Variants in WDR59 observed in about 807,000 individuals in gnomAD.
The protein encoded by WDR59 is GATOR2 complex protein WDR59.
In WDR59, 100 loss-of-function variants were observed where a neutral mutation model predicts 131.2. That is an observed-to-expected ratio of 0.76 (90% CI 0.65 to 0.90). WDR59 has a LOEUF of 0.90. Among genes scored for constraint, WDR59 ranks in the 40% least tolerant of loss-of-function variants. The pLI is 0.00. For synonymous variants in WDR59, 601 were observed against 466.2 expected, an observed-to-expected ratio of 1.29 and a Z score of -3.72; for missense variants, 1,203 against 1,262.2, an observed-to-expected ratio of 0.95 and a Z score of 0.71.
At chr16:74,932,387 G>A (rs182783265) in intron 8 of WDR59, among the ~76,000 whole-genome samples, 33 of 151,240 alleles carry the variant, frequency 2.2e-4, no homozygotes, top group African/African-American at 8.0e-4. Context: ...ACCATACCCA[G>A]CCAAGAGTAT....
intron 25 of WDR59, among the ~76,000 whole-genome samples, chr16:74,876,087 C>T (rs918208962): frequency 6.6e-6 from 1 of 152,140 alleles, no homozygotes; most frequent in Non-Finnish European, 1.5e-5. Context: ...TTCCCTCTTA[C>T]AACAGAGGGA....
At chr16:74,902,328 T>C (rs1440268060) in intron 18 of WDR59, among the ~76,000 whole-genome samples, 3 of 152,116 alleles carry the variant, frequency 2.0e-5, no homozygotes, top group East Asian at 1.9e-4. Flanking sequence ...CCACCCCAAA[T>C]TGAAATTTCA....
intron 1 of WDR59, among the ~76,000 whole-genome samples, chr16:74,970,603 C>T (rs1192138667): frequency 6.7e-6 from 1 of 149,908 alleles, no homozygotes; most frequent in Non-Finnish European, 1.5e-5. Context: ...CATCACAGAA[C>T]TTGCCACAGC....
chr16:74,946,204 T>G (rs1237793423), intron 6 of WDR59, among the ~76,000 whole-genome samples: 1 of 152,208 alleles, frequency 6.6e-6, no homozygotes, highest in Non-Finnish European at 1.5e-5. Context: ...CTGTGCCTAA[T>G]TTATAAATTA....
chr16:74,945,588 C>G (rs753637821), intron 6 of WDR59, among the ~76,000 whole-genome samples: 3 of 152,098 alleles, frequency 2.0e-5, no homozygotes, highest in Non-Finnish European at 4.4e-5. Context: ...CCCTCTGCAG[C>G]CAGTCTATGT....
intron 7 of WDR59, among the ~76,000 whole-genome samples, chr16:74,940,605 T>C (rs945286431): frequency 1.3e-5 from 2 of 152,218 alleles, no homozygotes; most frequent in Non-Finnish European, 2.9e-5. Context: ...CTGCCATCAG[T>C]GCTGCTTTGA....
chr16:74,901,372 A>G (rs990088918), intron 18 of WDR59, among the ~76,000 whole-genome samples: 8 of 152,124 alleles, frequency 5.3e-5, no homozygotes, highest in Non-Finnish European at 1.2e-4. Flanking sequence ...GCAGAGATCT[A>G]CCATGGAATA....
chr16:74,942,713 A>C, intron 7 of WDR59, 25 bp downstream of exon 7: 1 of 1,610,734 alleles, frequency 6.2e-7, no homozygotes, highest in Non-Finnish European at 8.5e-7. Flanking sequence ...AAAGACCAAT[A>C]AGGGCGAAAA....
chr16:74,903,553 C>A (rs1399792040), intron 18 of WDR59, among the ~76,000 whole-genome samples: 2 of 151,902 alleles, frequency 1.3e-5, no homozygotes, highest in Non-Finnish European at 2.9e-5. Flanking sequence ...CCATCAAGTT[C>A]CAAATATATT....
chr16:74,881,789 C>T (rs886837850), intron 25 of WDR59, among the ~76,000 whole-genome samples: 1 of 148,942 alleles, frequency 6.7e-6, no homozygotes, highest in East Asian at 2.0e-4. Context: ...AGGAGAATCG[C>T]TTGAACCAAG....
intron 11 of WDR59, among the ~76,000 whole-genome samples, chr16:74,916,994 T>C (rs1966421050): frequency 1.3e-5 from 2 of 152,200 alleles, no homozygotes; most frequent in Admixed American, 6.5e-5. Context: ...CTAAGCAGTG[T>C]TGAAATTTTT....
chr16:74,897,706 A>G (rs988821231), intron 18 of WDR59, among the ~76,000 whole-genome samples: 2 of 152,248 alleles, frequency 1.3e-5, no homozygotes, highest in African/African-American at 2.4e-5. Flanking sequence ...ACCAAACTGT[A>G]AAAGCAATTA....
intron 14 of WDR59, chr16:74,911,989 T>A (rs1966117145): frequency 1.7e-6 from 1 of 602,840 alleles, no homozygotes; most frequent in Admixed American, 3.2e-5. Context: ...TCAAAGGAAG[T>A]CTATGACCCA....
At chr16:74,963,422 A>T (rs779348452) in intron 2 of WDR59, among the ~76,000 whole-genome samples, 1 of 152,204 alleles carries the variant, frequency 6.6e-6, no homozygotes, top group Non-Finnish European at 1.5e-5. Flanking sequence ...AAAAGGAAAG[A>T]GATCATGTAC....
At position 74,871,860 on chromosome 16, in the gene WDR59, GAGACACT is replaced by G; in HGVS notation, c.*2342_*2348del. 1 of 152,290 alleles carries G rather than the reference GAGACACT, an allele frequency of 6.6e-6. No homozygotes were observed. Among genetic ancestry groups the G allele is most frequent in the Non-Finnish European group, 1.5e-5 (1 of 68,072 alleles). 9.4% of individuals were successfully genotyped at this position (152,290 alleles called of 1,614,324 possible). On this transcript the variant is annotated 3_prime_UTR_variant, in exon 26 of 26. Coordinates refer to ENST00000262144, the MANE Select transcript of WDR59 (RefSeq NM_030581.4). ...GCTCCCCCGCCCTGCTCACGCTACT[GAGACACT>G]GGCACCTTACCTCAGACCAGAGCCC...
Position 74,932,591 on chromosome 16 carries a change from C to T in WDR59, c.651+5559G>A, listed in dbSNP as rs540814497. Among the ~76,000 whole-genome samples the T allele has an allele frequency of 5.3e-5, 8 of 152,274 alleles. No individual in the cohort carries two copies. The East Asian group carries it at 1.5e-3, about 29-fold the overall frequency. ...GCAGCCTCAACCTCCTCGGCTCCAA[C>T]AATCCTCCTACCTCAGCCTTATGGG... On this transcript the variant is annotated intron_variant, in intron 8 of 25. Coordinates refer to ENST00000262144, the MANE Select transcript of WDR59 (RefSeq NM_030581.4).
intron 6 of WDR59, 28 bp downstream of exon 6, chr16:74,948,491 G>T: frequency 6.2e-7 from 1 of 1,607,014 alleles, no homozygotes; most frequent in Non-Finnish European, 8.5e-7. Flanking sequence ...CAAGGCGCCA[G>T]GGTGAGGTGG....
At chr16:74,981,643 TATATA>T (rs2034422232) in intron 1 of WDR59, among the ~76,000 whole-genome samples, 16 of 22,626 alleles carry the variant, frequency 7.1e-4, no homozygotes, top group African/African-American at 3.3e-3. Context: ...TATATATATA[TATATA>T]TATATATATA....
intron 10 of WDR59, among the ~76,000 whole-genome samples, chr16:74,919,035 T>C (rs2029887904): frequency 6.6e-6 from 1 of 152,196 alleles, no homozygotes; most frequent in Non-Finnish European, 1.5e-5. Context: ...CTTCTCTTCC[T>C]GCCCCTGACT....
Sources: gnomAD v4.1 joint callset for allele counts (sites outside exome capture counted in the v4.1 genomes callset) on GRCh38, gnomAD v4.1.1 for gene constraint, MANE v1.5 for transcripts, NCBI Gene and HGNC (gene_info 2026-07-23, HGNC 2026-07-21) for gene names.